PDE10A: variants seen among roughly 807,000 people sequenced by gnomAD.
PDE10A encodes the protein cAMP and cAMP-inhibited cGMP 3',5'-cyclic phosphodiesterase 10A.
Under a neutral mutation model 97.7 loss-of-function variants are expected in PDE10A, and 39 were observed. That is an observed-to-expected ratio of 0.40 (90% CI 0.31 to 0.52). PDE10A has a LOEUF of 0.52. PDE10A is among the 20% of genes least tolerant of loss of function. The pLI is 0.56. For synonymous variants in PDE10A, 371 were observed against 376.8 expected (o/e 0.98, Z 0.18); for missense variants, 731 against 1,047.8 (o/e 0.70, Z 4.17).
chr6:165,797,083 T>G (rs1182503651), intron 1 of PDE10A, among the ~76,000 whole-genome samples: 1 of 152,216 alleles, frequency 6.6e-6, no homozygotes, highest in Non-Finnish European at 1.5e-5. Context: ...AGGACTCTCC[T>G]AGCAAATGGG....
At chr6:165,913,314 T>C (rs9459529) in intron 1 of PDE10A, among the ~76,000 whole-genome samples, 38,163 of 136,154 alleles carry the variant, frequency 0.28, 5,038 homozygotes, top group Non-Finnish European at 0.31. Flanking sequence ...ACACACAGAG[T>C]CATCCCTCAG....
At chr6:165,625,666 C>A (rs1442059966) in intron 1 of PDE10A, among the ~76,000 whole-genome samples, 1 of 152,140 alleles carries the variant, frequency 6.6e-6, no homozygotes, top group African/African-American at 2.4e-5. Flanking sequence ...GTGAATAAGT[C>A]TCACGAGATC....
intron 1 of PDE10A, among the ~76,000 whole-genome samples, chr6:165,573,406 T>C (rs1583567273): frequency 6.6e-6 from 1 of 152,078 alleles, no homozygotes; most frequent in Non-Finnish European, 1.5e-5. Flanking sequence ...CAATAAGTAA[T>C]TGAGATAAAC....
intron 1 of PDE10A, among the ~76,000 whole-genome samples, chr6:165,694,520 T>C (rs927631461): frequency 1.3e-5 from 2 of 152,202 alleles, no homozygotes; most frequent in African/African-American, 4.8e-5. Context: ...CTAAGTGTCT[T>C]ATCACAGCCA....
intron 1 of PDE10A, among the ~76,000 whole-genome samples, chr6:165,549,690 A>G (rs73250032): frequency 6.6e-6 from 1 of 152,332 alleles, no homozygotes; most frequent in South Asian, 2.1e-4. Context: ...AACTGAATGC[A>G]AATTAGGTTC....
intron 1 of PDE10A, among the ~76,000 whole-genome samples, chr6:165,805,107 A>C (rs1223108667): frequency 2.9e-5 from 4 of 137,124 alleles, no homozygotes; most frequent in African/African-American, 1.1e-4. Context: ...GGGGTCGAGC[A>C]GAGGGGCGCA....
At chr6:165,548,178 T>C (rs1476820620) in intron 1 of PDE10A, among the ~76,000 whole-genome samples, 1 of 151,660 alleles carries the variant, frequency 6.6e-6, no homozygotes, top group Non-Finnish European at 1.5e-5. Context: ...AATATGTATC[T>C]CCAAAAGATA....
intron 19 of PDE10A, among the ~76,000 whole-genome samples, chr6:165,342,847 A>G (rs767764234): frequency 2.0e-5 from 3 of 152,258 alleles, no homozygotes; most frequent in Non-Finnish European, 4.4e-5. Context: ...AAGTCAGTCA[A>G]GAAAAGGCGT....
At chr6:165,455,084 G>A (rs1777872978) in intron 3 of PDE10A, among the ~76,000 whole-genome samples, 1 of 152,090 alleles carries the variant, frequency 6.6e-6, no homozygotes, top group Non-Finnish European at 1.5e-5. Context: ...CACGGGGGCA[G>A]GCAGAATTAC....
At chr6:165,679,244 A>T (rs1027761807) in intron 1 of PDE10A, among the ~76,000 whole-genome samples, 11 of 152,260 alleles carry the variant, frequency 7.2e-5, no homozygotes, top group African/African-American at 2.7e-4. Context: ...ATATAGCTCT[A>T]TTTAAGAACT....
chr6:165,866,177 C>T (rs2128477549), intron 1 of PDE10A, among the ~76,000 whole-genome samples: 1 of 151,988 alleles, frequency 6.6e-6, no homozygotes, highest in Non-Finnish European at 1.5e-5. Flanking sequence ...TATATGTTTC[C>T]ACAAGAAACT....
intron 1 of PDE10A, among the ~76,000 whole-genome samples, chr6:165,887,989 T>C (rs1310053031): frequency 6.6e-6 from 1 of 152,222 alleles, no homozygotes; most frequent in Non-Finnish European, 1.5e-5. Context: ...CCTCTCCTCA[T>C]TAATTTCCCT....
At chr6:165,545,617 G>C (rs1054311044) in intron 1 of PDE10A, among the ~76,000 whole-genome samples, 5 of 151,908 alleles carry the variant, frequency 3.3e-5, no homozygotes, top group Admixed American at 6.6e-5. Context: ...ATGGGCCAAA[G>C]GCCACTTCAG....
chr6:165,774,378 T>C (rs918579418), intron 1 of PDE10A, among the ~76,000 whole-genome samples: 2 of 151,264 alleles, frequency 1.3e-5, no homozygotes, highest in Non-Finnish European at 2.9e-5. Flanking sequence ...AATCAATATG[T>C]ATTTTATGTG....
At chr6:165,870,772 C>A (rs1781185555) in intron 1 of PDE10A, among the ~76,000 whole-genome samples, 1 of 152,038 alleles carries the variant, frequency 6.6e-6, no homozygotes, top group African/African-American at 2.4e-5. Context: ...ATTATTCAGC[C>A]ATAAAAAAAC....
intron 1 of PDE10A, among the ~76,000 whole-genome samples, chr6:165,732,259 A>G (rs1373224300): frequency 6.6e-6 from 1 of 152,240 alleles, no homozygotes; most frequent in Non-Finnish European, 1.5e-5. Context: ...ACTCAAAATG[A>G]TAACCTGGCC....
intron 1 of PDE10A, among the ~76,000 whole-genome samples, chr6:165,688,005 C>G (rs1791168973): frequency 6.6e-6 from 1 of 152,176 alleles, no homozygotes; most frequent in Non-Finnish European, 1.5e-5. Flanking sequence ...GGCTCACGCC[C>G]AGAACTCCTA....
At chr6:165,694,561 C>T (rs576120760) in intron 1 of PDE10A, among the ~76,000 whole-genome samples, 37 of 152,294 alleles carry the variant, frequency 2.4e-4, no homozygotes, top group African/African-American at 7.5e-4. Flanking sequence ...CGGGCGGTGT[C>T]GGGAGACCGG....
intron 18 of PDE10A, among the ~76,000 whole-genome samples, chr6:165,370,178 C>T (rs569972100): frequency 4.9e-4 from 75 of 151,772 alleles, no homozygotes; most frequent in African/African-American, 1.7e-3. Flanking sequence ...AACTAACGAG[C>T]AAAATAACCA....
Sources: allele counts gnomAD v4.1 joint callset (sites outside exome capture counted in the v4.1 genomes callset), GRCh38; gene constraint gnomAD v4.1.1; transcripts MANE v1.5; gene names NCBI Gene and HGNC (gene_info 2026-07-23, HGNC 2026-07-21).